The following UBAC2 variants were observed in gnomAD, a reference collection of about 807,000 sequenced individuals.
UBAC2 encodes the protein ubiquitin-associated domain-containing protein 2.
In UBAC2, 26 loss-of-function variants were observed where a neutral mutation model predicts 44.0. That is an observed-to-expected ratio of 0.59 (90% CI 0.43 to 0.82). UBAC2 has a LOEUF of 0.82. Ranked by LOEUF, UBAC2 falls within the 40% of genes least tolerant of loss-of-function variation. UBAC2 has a pLI of 0.00. For synonymous variants in UBAC2, 155 were observed against 154.3 expected, an observed-to-expected ratio of 1.00 and a Z score of -0.04; for missense variants, 329 against 419.4, an observed-to-expected ratio of 0.78 and a Z score of 1.88.
intron 4 of UBAC2, among the ~76,000 whole-genome samples, chr13:99,280,891 A>G (rs553670653): frequency 1.3e-5 from 2 of 152,034 alleles, no homozygotes; most frequent in East Asian, 3.9e-4. Context: ...CTGTTACTTA[A>G]GAGAAAAATG....
intron 4 of UBAC2, among the ~76,000 whole-genome samples, chr13:99,250,871 C>T (rs967568928): frequency 5.9e-5 from 9 of 152,056 alleles, no homozygotes; most frequent in African/African-American, 1.7e-4. Flanking sequence ...CTCAGCCTCC[C>T]GAGTAGCTGG....
intron 4 of UBAC2, chr13:99,261,668 T>A (rs986913605): frequency 1.3e-5 from 2 of 152,324 alleles, no homozygotes; most frequent in African/African-American, 4.8e-5. Flanking sequence ...ATATAAGTGA[T>A]GGCAGTGAAA....
intron 1 of UBAC2, among the ~76,000 whole-genome samples, chr13:99,237,390 A>G (rs1416857981): frequency 6.6e-6 from 1 of 152,178 alleles, no homozygotes; most frequent in African/African-American, 2.4e-5. Flanking sequence ...AATAAGAACA[A>G]AAAGACAAAG....
intron 7 of UBAC2, among the ~76,000 whole-genome samples, chr13:99,358,599 A>G (rs1448204918): frequency 1.3e-5 from 2 of 152,230 alleles, no homozygotes; most frequent in African/African-American, 2.4e-5. Flanking sequence ...TAAAAGGGCA[A>G]TGAGGAGCCA....
intron 4 of UBAC2, chr13:99,254,760 A>G (rs1245769656): frequency 2.5e-5 from 19 of 749,470 alleles, no homozygotes; most frequent in Non-Finnish European, 3.6e-5. Flanking sequence ...AATGAAGATA[A>G]TGAATTTATT....
At chr13:99,368,747 C>G (rs1340482096) in intron 8 of UBAC2, among the ~76,000 whole-genome samples, 1 of 144,588 alleles carries the variant, frequency 6.9e-6, no homozygotes, top group African/African-American at 2.6e-5. Flanking sequence ...TCACTCTGAC[C>G]GAGAGGGCTC....
intron 4 of UBAC2, among the ~76,000 whole-genome samples, chr13:99,264,880 G>A (rs997255693): frequency 2.0e-5 from 3 of 151,916 alleles, no homozygotes; most frequent in Admixed American, 1.3e-4. Context: ...AACCAAGAAT[G>A]TGTCTGCTGA....
intron 1 of UBAC2, among the ~76,000 whole-genome samples, chr13:99,218,595 T>G (rs974994374): frequency 2.6e-5 from 4 of 152,132 alleles, no homozygotes; most frequent in African/African-American, 9.7e-5. Context: ...TATTGGCTGC[T>G]GTCCTGAGCC....
intron 7 of UBAC2, among the ~76,000 whole-genome samples, chr13:99,356,520 C>T (rs996318217): frequency 1.4e-4 from 21 of 152,252 alleles, no homozygotes; most frequent in African/African-American, 5.1e-4. Flanking sequence ...TGAAGTATCT[C>T]ATCCATCAAC....
At chr13:99,373,939 G>T (rs751805709) in intron 8 of UBAC2, among the ~76,000 whole-genome samples, 1 of 152,198 alleles carries the variant, frequency 6.6e-6, no homozygotes, top group Non-Finnish European at 1.5e-5. Context: ...TCTCTATCCA[G>T]GCCCAGGAAA....
intron 7 of UBAC2, among the ~76,000 whole-genome samples, chr13:99,348,125 A>T (rs1180254584): frequency 2.0e-5 from 3 of 152,026 alleles, no homozygotes; most frequent in Non-Finnish European, 4.4e-5. Flanking sequence ...ATAACTTTTC[A>T]TGGGTTTGTG....
At chr13:99,220,475 G>T (rs2043041453) in intron 1 of UBAC2, among the ~76,000 whole-genome samples, 1 of 152,194 alleles carries the variant, frequency 6.6e-6, no homozygotes, top group Admixed American at 6.5e-5. Context: ...AGCCTGATTA[G>T]TATTTATTGC....
chr13:99,261,167 G>T (rs1466144721), intron 4 of UBAC2, among the ~76,000 whole-genome samples: 19 of 152,188 alleles, frequency 1.2e-4, no homozygotes, highest in Non-Finnish European at 5.9e-5. Flanking sequence ...GGGACCAGGG[G>T]TCCACTGTTG....
chr13:99,350,143 A>T (rs927765091), intron 7 of UBAC2, among the ~76,000 whole-genome samples: 3 of 152,222 alleles, frequency 2.0e-5, no homozygotes, highest in African/African-American at 7.2e-5. Context: ...ATGATTCATG[A>T]TGTTTATAAT....
At chr13:99,338,889 T>G (rs1421239764) in intron 6 of UBAC2, among the ~76,000 whole-genome samples, 4 of 152,210 alleles carry the variant, frequency 2.6e-5, no homozygotes, top group African/African-American at 9.6e-5. Flanking sequence ...CTATTTCCCT[T>G]CTCTTCACTG....
At chr13:99,380,763 A>G (rs2138928824) in intron 8 of UBAC2, among the ~76,000 whole-genome samples, 1 of 152,316 alleles carries the variant, frequency 6.6e-6, no homozygotes, top group South Asian at 2.1e-4. Context: ...GTAATTGTTT[A>G]TTCTTTTTAA....
intron 4 of UBAC2, among the ~76,000 whole-genome samples, chr13:99,263,260 T>C (rs1406869438): frequency 6.6e-6 from 1 of 152,222 alleles, no homozygotes; most frequent in African/African-American, 2.4e-5. Context: ...TGAGTTGATA[T>C]TCTCAAGGAA....
At chr13:99,232,989 GA>G (rs1337813680) in intron 1 of UBAC2, among the ~76,000 whole-genome samples, 1 of 152,104 alleles carries the variant, frequency 6.6e-6, no homozygotes, top group African/African-American at 2.4e-5. Context: ...TGTTAAATTT[GA>G]ATTGGAAATA....
intron 8 of UBAC2, among the ~76,000 whole-genome samples, chr13:99,373,112 C>G (rs753908963): frequency 1.3e-5 from 2 of 151,634 alleles, no homozygotes; most frequent in Non-Finnish European, 2.9e-5. Flanking sequence ...CAGAGCAAGA[C>G]TCTGTCTCAA....
Sources: allele counts gnomAD v4.1 joint callset (sites outside exome capture counted in the v4.1 genomes callset), GRCh38; gene constraint gnomAD v4.1.1; transcripts MANE v1.5; gene names NCBI Gene and HGNC (gene_info 2026-07-23, HGNC 2026-07-21).